Variants in DIP2C observed in about 807,000 individuals in gnomAD.
DIP2C encodes the protein DIP2 acetate--CoA ligase C (putative).
DIP2C carries 33 observed loss-of-function variants against 192.4 expected under a neutral mutation model. That is an observed-to-expected ratio of 0.17 (90% confidence interval 0.13 to 0.23). The LOEUF (loss-of-function observed/expected upper bound fraction) is 0.23. DIP2C is among the 10% of genes least tolerant of loss of function. The pLI, the probability that DIP2C is intolerant of heterozygous loss-of-function variation, is 1.00. For synonymous variants in DIP2C, 979 were observed against 864.1 expected, an observed-to-expected ratio of 1.13 and a Z score of -2.33; for missense variants, 1,537 against 2,110.1, an observed-to-expected ratio of 0.73 and a Z score of 5.32.
chr10:450,112 C>T (rs772936924), intron 3 of DIP2C, among the ~76,000 whole-genome samples: 1 of 152,150 alleles, frequency 6.6e-6, no homozygotes, highest in Non-Finnish European at 1.5e-5. Context: ...TTCACGTCCA[C>T]TCCATGTTGC....
chr10:497,082 C>T (rs1844888707), intron 1 of DIP2C, among the ~76,000 whole-genome samples: 1 of 152,134 alleles, frequency 6.6e-6, no homozygotes, highest in African/African-American at 2.4e-5. Context: ...TGAGATCGTG[C>T]CACTGCACTC....
At chr10:577,087 T>C (rs895128446) in intron 1 of DIP2C, among the ~76,000 whole-genome samples, 1 of 152,148 alleles carries the variant, frequency 6.6e-6, no homozygotes, top group Non-Finnish European at 1.5e-5. Context: ...TGAACACACC[T>C]CAAGTGTGAC....
chr10:417,837 T>C (rs552680123), intron 6 of DIP2C, among the ~76,000 whole-genome samples: 2 of 92,882 alleles, frequency 2.2e-5, no homozygotes, highest in African/African-American at 1.1e-4. Context: ...CAGGCCTCCC[T>C]GTCCACCTGC....
At chr10:667,541 G>GACAACAC (rs1857169673) in intron 1 of DIP2C, 1 of 151,714 alleles carries the variant, frequency 6.6e-6, no homozygotes, top group South Asian at 2.1e-4. Flanking sequence ...ATACAACACT[G>GACAACAC]ACAACACACA....
At chr10:483,730 TGGAGGCCA>T (rs1261635334) in intron 2 of DIP2C, among the ~76,000 whole-genome samples, 3 of 152,162 alleles carry the variant, frequency 2.0e-5, no homozygotes, top group Non-Finnish European at 4.4e-5. Flanking sequence ...AGGAACGCAG[TGGAGGCCA>T]GGAGGCGAGG....
intron 3 of DIP2C, among the ~76,000 whole-genome samples, chr10:444,879 T>A (rs926024093): frequency 2.0e-5 from 3 of 152,276 alleles, no homozygotes; most frequent in Non-Finnish European, 4.4e-5. Flanking sequence ...GAGAATTTAC[T>A]CTGGAGATAA....
chr10:586,554 C>T (rs186342784), intron 1 of DIP2C, among the ~76,000 whole-genome samples: 4 of 152,300 alleles, frequency 2.6e-5, no homozygotes, highest in Admixed American at 2.0e-4. Flanking sequence ...AGGCTGTGCT[C>T]GGAAGGTGCC....
intron 1 of DIP2C, among the ~76,000 whole-genome samples, chr10:682,899 T>A (rs1831182979): frequency 1.3e-5 from 2 of 152,156 alleles, no homozygotes; most frequent in African/African-American, 4.8e-5. Context: ...AAAAAATGAT[T>A]TAAAACCAGG....
At chr10:306,354 T>A (rs955925644) in intron 32 of DIP2C, among the ~76,000 whole-genome samples, 37 of 152,236 alleles carry the variant, frequency 2.4e-4, no homozygotes, top group Non-Finnish European at 4.4e-4. Context: ...ATACCCCTGT[T>A]CGACAACTGA....
Position 583,344 on chromosome 10 carries a change from A to G in DIP2C, c.86-96814T>C, listed in dbSNP as rs753850349. Among the ~76,000 whole-genome samples the G allele has an allele frequency of 1.6e-4, 25 of 152,334 alleles. 2 individuals are homozygous for G. The highest frequency in any genetic ancestry group is 4.1e-4 in the South Asian group (2 of 4,820). ...TAGCTAGTTGGGAACATTTTTTTAAAAAGTTTATATGGAATGAATTATCCC... is the reference window on the plus strand; with the variant it reads ...TAGCTAGTTGGGAACATTTTTTTAAGAAGTTTATATGGAATGAATTATCCC... On this transcript the variant is annotated intron_variant, in intron 1 of 36. Coordinates refer to ENST00000280886, the MANE Select transcript of DIP2C (RefSeq NM_014974.3).
intron 1 of DIP2C, among the ~76,000 whole-genome samples, chr10:659,782 C>T (rs190161728): frequency 6.6e-6 from 1 of 152,338 alleles, no homozygotes; most frequent in Non-Finnish European, 1.5e-5. Context: ...ATCCCACTTC[C>T]CGGGATCTGA....
At chr10:311,025 GA>G (rs150334490) in intron 31 of DIP2C, among the ~76,000 whole-genome samples, 37 of 146,824 alleles carry the variant, frequency 2.5e-4, no homozygotes, top group South Asian at 8.7e-4. Flanking sequence ...TTATATATAA[GA>G]AAAAAAAAAG....
At chr10:463,270 C>G (rs2133388258) in intron 3 of DIP2C, among the ~76,000 whole-genome samples, 1 of 152,306 alleles carries the variant, frequency 6.6e-6, no homozygotes, top group South Asian at 2.1e-4. Context: ...AGCCCAAAAT[C>G]TCCTTAAGCT....
chr10:483,839 C>T (rs1470449049), intron 2 of DIP2C, among the ~76,000 whole-genome samples: 3 of 151,560 alleles, frequency 2.0e-5, no homozygotes, highest in Non-Finnish European at 4.4e-5. Context: ...TTTTTTGAGA[C>T]AGGGTCTCGC....
At chr10:407,636 G>C (rs1390282775) in intron 9 of DIP2C, among the ~76,000 whole-genome samples, 1 of 152,132 alleles carries the variant, frequency 6.6e-6, no homozygotes, top group Non-Finnish European at 1.5e-5. Flanking sequence ...TCGGTGTAAA[G>C]CAGCATTTCA....
At chr10:359,647 T>C (rs2132703105) in intron 22 of DIP2C, among the ~76,000 whole-genome samples, 1 of 152,196 alleles carries the variant, frequency 6.6e-6, no homozygotes, top group East Asian at 1.9e-4. Context: ...TGCCCCGTGG[T>C]GGGAACAATT....
intron 1 of DIP2C, among the ~76,000 whole-genome samples, chr10:635,342 C>T (rs1854767547): frequency 6.6e-6 from 1 of 152,220 alleles, no homozygotes; most frequent in Non-Finnish European, 1.5e-5. Context: ...GGGCTGTGAT[C>T]GCCCCTCACA....
rs372682628 is a variant in DIP2C at position 344,759 on chromosome 10, C to A, written c.3453+50G>T. The A allele has an allele frequency of 6.0e-6, 9 of 1,497,000 alleles. No homozygotes were observed. The African/African-American group carries it at 1.1e-4, about 18-fold the overall frequency. The allele number at this position is 1,497,000 out of a possible 1,614,324, so 92.7% of individuals were successfully genotyped here. On this transcript the variant is annotated intron_variant, in intron 28 of 36. Transcript: ENST00000280886. ...CCAGCACGTGACCTGCCACCTCCAG[C>A]ACGCTCCGCAGTTGCCTCCATGGCC...
rs1330476945 is a variant in DIP2C at position 288,111 on chromosome 10, C to G, written c.4044+253G>C. ...GGTAATTGGGCTCCAATGCGCAGAA[C>G]GAGGCTGAAGGCACCAGGGCCTCTG... On this transcript the variant is annotated intron_variant, in intron 33 of 36. Transcript: ENST00000280886. Among the ~76,000 whole-genome samples, 3 of 152,136 alleles carry G rather than the reference C, an allele frequency of 2.0e-5. No homozygotes were observed. In the East Asian group the frequency reaches 5.8e-4, roughly 29 times the overall value.
Sources: allele counts gnomAD v4.1 joint callset (sites outside exome capture counted in the v4.1 genomes callset), GRCh38; gene constraint gnomAD v4.1.1; transcripts MANE v1.5; gene names NCBI Gene and HGNC (gene_info 2026-07-23, HGNC 2026-07-21).